Variants in CHD2 observed in about 807,000 individuals in gnomAD.
CHD2 encodes ATP-dependent chromatin remodeler CHD2.
In CHD2, 28 loss-of-function variants were observed where a neutral mutation model predicts 243.9. The observed-to-expected ratio is 0.11, with a 90% confidence interval of 0.09 to 0.16. CHD2 has a LOEUF of 0.16. CHD2 is among the 10% of genes least tolerant of loss of function. The probability of loss-of-function intolerance (pLI) is 1.00; values close to 1 mark genes in which losing one functional copy is unlikely to be tolerated. For synonymous variants in CHD2, 775 were observed against 779.0 expected, an observed-to-expected ratio of 0.99 and a Z score of 0.09; for missense variants, 1,386 against 2,209.8, an observed-to-expected ratio of 0.63 and a Z score of 7.47.
At chr15:92,984,738 AG>A (rs2141851012) in intron 25 of CHD2, among the ~76,000 whole-genome samples, 1 of 152,342 alleles carries the variant, frequency 6.6e-6, no homozygotes, top group South Asian at 2.1e-4. Flanking sequence ...GCTGATAAAC[AG>A]GGTCTGAAAT....
chr15:92,914,189 G>T (rs903967736), intron 2 of CHD2, among the ~76,000 whole-genome samples: 1 of 152,224 alleles, frequency 6.6e-6, no homozygotes, highest in African/African-American at 2.4e-5. Context: ...GCTTTAATGG[G>T]TGTAAATACA....
At chr15:92,955,349 A>G (rs2053605579) in intron 14 of CHD2, 74 bp from the exon 15 acceptor site, 3 of 824,776 alleles carry the variant, frequency 3.6e-6, no homozygotes. Context: ...TTTCTATTAC[A>G]TCAATCACAA....
At chr15:92,981,600 G>A (rs1445388970) in intron 24 of CHD2, 143 bp downstream of exon 24, 2 of 631,046 alleles carry the variant, frequency 3.2e-6, no homozygotes, top group African/African-American at 1.8e-5. Flanking sequence ...TCTCTGAATT[G>A]TGAGTATGTT....
At chr15:92,945,945 C>T in intron 11 of CHD2, 80 bp downstream of exon 11, 1 of 1,460,842 alleles carries the variant, frequency 6.8e-7, no homozygotes, top group Non-Finnish European at 9.3e-7. Context: ...TGTTTTGCCA[C>T]ATGATGTTTT....
intron 2 of CHD2, chr15:92,904,828 A>G (rs2052589345): frequency 1.3e-6 from 2 of 1,508,090 alleles, no homozygotes; most frequent in Non-Finnish European, 1.8e-6. Context: ...GTTACAATTG[A>G]CCAAAACGTT....
At chr15:92,935,019 T>G (rs191899965) in intron 5 of CHD2, among the ~76,000 whole-genome samples, 55 of 151,044 alleles carry the variant, frequency 3.6e-4, no homozygotes, top group Middle Eastern at 3.4e-3. Context: ...TGCTAAGTTT[T>G]TTTTTTCTTT....
At chr15:92,939,288 T>C (rs2053319178) in intron 6 of CHD2, among the ~76,000 whole-genome samples, 1 of 152,194 alleles carries the variant, frequency 6.6e-6, no homozygotes, top group African/African-American at 2.4e-5. Flanking sequence ...ACATGCTGTG[T>C]ATGTGTTTTT....
chr15:92,916,486 G>T (rs969460283), intron 2 of CHD2, among the ~76,000 whole-genome samples: 7 of 152,160 alleles, frequency 4.6e-5, no homozygotes, highest in African/African-American at 1.7e-4. Flanking sequence ...ATATTTATTT[G>T]CCTCGTCCTA....
At chr15:92,957,168 A>G (rs1325255282) in intron 16 of CHD2, among the ~76,000 whole-genome samples, 3 of 152,236 alleles carry the variant, frequency 2.0e-5, no homozygotes, top group Admixed American at 6.5e-5. Context: ...AATAACATCT[A>G]TATTCATTAA....
chr15:92,935,238 A>T (rs1002296898), intron 5 of CHD2, among the ~76,000 whole-genome samples: 1 of 152,064 alleles, frequency 6.6e-6, no homozygotes, highest in Non-Finnish European at 1.5e-5. Flanking sequence ...GGGTTTCACC[A>T]CGTTAGCCAG....
intron 38 of CHD2, chr15:93,020,632 T>G: frequency 2.5e-6 from 1 of 393,218 alleles, no homozygotes; most frequent in Non-Finnish European, 4.6e-6. Flanking sequence ...CACGAGCCCA[T>G]AATTGAAGAG....
chr15:92,979,057 A>G, intron 21 of CHD2, 78 bp from the exon 22 acceptor site: 1 of 1,546,098 alleles, frequency 6.5e-7, no homozygotes, highest in African/African-American at 1.4e-5. Context: ...GGGTTTTGAC[A>G]GAGCTAATCC....
chr15:93,006,734 C>CCTCT (rs1331884981), intron 34 of CHD2, among the ~76,000 whole-genome samples: 3 of 152,198 alleles, frequency 2.0e-5, no homozygotes, highest in Non-Finnish European at 4.4e-5. Flanking sequence ...GGGTCCATAA[C>CCTCT]CATTGTCCTA....
Position 93,005,933 on chromosome 15 carries a change from A to G in CHD2, c.4413+1182A>G, listed in dbSNP as rs367935312. 7.2e-5 allele frequency among the ~76,000 whole-genome samples: 11 copies of G among 152,322 alleles called. No individual in the cohort carries two copies. In the East Asian group the frequency reaches 9.6e-4, roughly 13 times the overall value. Reference sequence around the variant, plus strand: ...TGATATTTAAAAAATGCTCTTACAAATGACTCATTTAATCTTGTTTTTATA... The same window carrying G: ...TGATATTTAAAAAATGCTCTTACAAGTGACTCATTTAATCTTGTTTTTATA... On this transcript the variant is annotated intron_variant, in intron 34 of 38. Coordinates refer to ENST00000394196, the MANE Select transcript of CHD2 (RefSeq NM_001271.4).
chr15:92,978,765 C>T (rs1389687088), intron 21 of CHD2, among the ~76,000 whole-genome samples: 6 of 152,160 alleles, frequency 3.9e-5, no homozygotes, highest in Non-Finnish European at 1.5e-5. Flanking sequence ...CTTTGGAAAA[C>T]CACACACTTT....
At chr15:92,971,598 G>A (rs2053842614) in intron 17 of CHD2, among the ~76,000 whole-genome samples, 167 bp from the exon 18 acceptor site, 2 of 152,174 alleles carry the variant, frequency 1.3e-5, no homozygotes, top group African/African-American at 4.8e-5. Context: ...TGTGAAAGAT[G>A]TATGATTAGA....
In CHD2 at chr15:93,001,190, G is replaced by T. The variant is rs546015580; in HGVS notation, c.4137+550G>T. 4.6e-5 allele frequency among the ~76,000 whole-genome samples: 7 copies of T among 152,202 alleles called. No homozygotes were observed. In the East Asian group the frequency reaches 1.4e-3, roughly 29 times the overall value. ...CGTCCTAAAGTTTTAATGATAAATGGCGATTGACACGTAGCCTCATTCTTG... is the reference window on the plus strand; with the variant it reads ...CGTCCTAAAGTTTTAATGATAAATGTCGATTGACACGTAGCCTCATTCTTG... On this transcript the variant is annotated intron_variant, in intron 32 of 38. Coordinates refer to ENST00000394196, the MANE Select transcript of CHD2 (RefSeq NM_001271.4).
chr15:92,981,228 A>C, intron 23 of CHD2, 137 bp from the exon 24 acceptor site: 3 of 620,502 alleles, frequency 4.8e-6, no homozygotes, highest in Non-Finnish European at 5.7e-6. Flanking sequence ...GTTGAAACTG[A>C]AAGTAAATGA....
intron 37 of CHD2, among the ~76,000 whole-genome samples, chr15:93,015,711 A>G (rs2054451338): frequency 6.6e-6 from 1 of 152,014 alleles, no homozygotes; most frequent in African/African-American, 2.4e-5. Context: ...CTGAATAGAC[A>G]TTTCTCAAAA....
Sources: gnomAD v4.1 joint callset for allele counts (sites outside exome capture counted in the v4.1 genomes callset) on GRCh38, gnomAD v4.1.1 for gene constraint, MANE v1.5 for transcripts, NCBI Gene and HGNC (gene_info 2026-07-23, HGNC 2026-07-21) for gene names.